MECOM: variants seen among roughly 807,000 people sequenced by gnomAD.
MECOM encodes the protein MDS1 and EVI1 complex locus, also known as histone-lysine N-methyltransferase MECOM.
In MECOM, 13 loss-of-function variants were observed where a neutral mutation model predicts 116.3. That is an observed-to-expected ratio of 0.11 (90% CI 0.07 to 0.18). The LOEUF (loss-of-function observed/expected upper bound fraction) is 0.18. Among genes scored for constraint, MECOM ranks in the 10% least tolerant of loss-of-function variants. The pLI is 1.00. For synonymous variants in MECOM, 528 were observed against 535.2 expected, an observed-to-expected ratio of 0.99 and a Z score of 0.19; for missense variants, 1,299 against 1,509.0, an observed-to-expected ratio of 0.86 and a Z score of 2.31.
At chr3:169,272,778 A>G (rs1304923613) in intron 2 of MECOM, among the ~76,000 whole-genome samples, 1 of 152,016 alleles carries the variant, frequency 6.6e-6, no homozygotes, top group Admixed American at 6.6e-5. Flanking sequence ...CTTTTGAAAA[A>G]CTTCTCTTTG....
chr3:169,164,425 G>T (rs1243695669), intron 2 of MECOM, among the ~76,000 whole-genome samples: 1 of 152,150 alleles, frequency 6.6e-6, no homozygotes, highest in South Asian at 2.1e-4. Flanking sequence ...GCCCAGTCTT[G>T]GGTATATCTT....
At chr3:169,176,098 T>A (rs1745114734) in intron 2 of MECOM, among the ~76,000 whole-genome samples, 3 of 52,762 alleles carry the variant, frequency 5.7e-5, no homozygotes, top group African/African-American at 2.6e-4. Flanking sequence ...ACACTAATGA[T>A]AGCTGATGAG....
chr3:169,521,974 A>G lies in MECOM; in HGVS notation c.38-140450T>C, dbSNP rs117301575. Among the ~76,000 whole-genome samples the G allele has an allele frequency of 1.4e-4, 21 of 152,342 alleles. No individual in the cohort carries two copies. In the East Asian group the frequency reaches 3.5e-3, roughly 25 times the overall value. On this transcript the variant is annotated intron_variant, in intron 1 of 16. Transcript: ENST00000651503. ...GTAATCTAGAGATAATTTAAAGTAT[A>G]TAGGAGAATATGCATAAGTTATATG...
At chr3:169,141,108 T>C (rs1737969039) in intron 3 of MECOM, among the ~76,000 whole-genome samples, 1 of 152,084 alleles carries the variant, frequency 6.6e-6, no homozygotes, top group Non-Finnish European at 1.5e-5. Context: ...AAAGTTCAAT[T>C]TATACACTCT....
chr3:169,537,821 T>G (rs1421008), intron 1 of MECOM, among the ~76,000 whole-genome samples: 29,468 of 151,972 alleles, frequency 0.19, 3,604 homozygotes, highest in Non-Finnish European at 0.28. Context: ...AGTACAAAGG[T>G]GGCCAGGCTT....
chr3:169,090,048 T>G lies in MECOM; in HGVS notation c.3353A>C (p.Tyr1118Ser), dbSNP rs765564966. The G allele has an allele frequency of 1.2e-6, 2 of 1,613,668 alleles. No homozygotes were observed. The highest frequency in any genetic ancestry group is 1.7e-6 in the Non-Finnish European group (2 of 1,179,674). ...NLHEGNPEDD[Y>S]EETSALEMSC... ...CATCTCCAGGGCACTGGTTTCTTCA[T>G]AGTCATCCTCAGGGTTTCCTTCATG... Residue 1118 changes from tyrosine to serine, a missense_variant, in exon 15 of 17, where the codon TAT becomes TCT. This residue lies in a region of MECOM where 273 missense variants were observed against 289.3 expected (regional missense o/e 0.94). Transcript: ENST00000651503.
chr3:169,283,710 T>C (rs1404120808), intron 2 of MECOM, among the ~76,000 whole-genome samples: 1 of 152,196 alleles, frequency 6.6e-6, no homozygotes, highest in Non-Finnish European at 1.5e-5. Flanking sequence ...TGTAGGTTCC[T>C]TAAAATTATT....
At chr3:169,473,048 A>G in intron 1 of MECOM, 2 of 735,074 alleles carry the variant, frequency 2.7e-6, no homozygotes, top group Non-Finnish European at 3.3e-6. Flanking sequence ...AGGAGTCATT[A>G]GCATCCAACA....
chr3:169,482,127 A>G (rs1180921770), intron 1 of MECOM, among the ~76,000 whole-genome samples: 1 of 151,228 alleles, frequency 6.6e-6, no homozygotes, highest in Non-Finnish European at 1.5e-5. Flanking sequence ...AGTTTCTTTT[A>G]CCTCCACCAC....
intron 2 of MECOM, among the ~76,000 whole-genome samples, chr3:169,271,559 G>A (rs144892397): frequency 9.9e-5 from 15 of 152,168 alleles, no homozygotes; most frequent in Admixed American, 7.2e-4. Context: ...AGCTGAACTC[G>A]AGAACACATG....
rs1732630167 is a variant in MECOM at position 169,125,823 on chromosome 3, T to A, written c.830+2021A>T. ...TTGCACATTGACCTTTGTTTCTTTC[T>A]TGCTCCTATTTTTTTGTTTGCATTC... On this transcript the variant is annotated intron_variant, in intron 5 of 16. Coordinates refer to ENST00000651503, the MANE Select transcript of MECOM (RefSeq NM_004991.4). Among the ~76,000 whole-genome samples the A allele has an allele frequency of 2.0e-5, 3 of 152,258 alleles. No individual in the cohort carries two copies. In the South Asian group the frequency reaches 6.2e-4, roughly 32 times the overall value.
intron 2 of MECOM, among the ~76,000 whole-genome samples, chr3:169,206,426 T>G (rs1749922202): frequency 6.6e-6 from 1 of 152,052 alleles, no homozygotes; most frequent in Non-Finnish European, 1.5e-5. Context: ...GCTCTCAAAC[T>G]TTGGTTCCAC....
intron 2 of MECOM, among the ~76,000 whole-genome samples, chr3:169,327,198 A>C (rs1186718913): frequency 6.6e-6 from 1 of 152,218 alleles, no homozygotes; most frequent in Admixed American, 6.5e-5. Context: ...AAAATTATTT[A>C]GTTGTTTGCA....
chr3:169,354,430 T>C (rs996123547), intron 2 of MECOM, among the ~76,000 whole-genome samples: 1 of 152,078 alleles, frequency 6.6e-6, no homozygotes, highest in Middle Eastern at 3.4e-3. Flanking sequence ...CTTAATTTAC[T>C]AGTTCATAAT....
In MECOM at chr3:169,186,592, G is replaced by C. The variant is rs191423396; in HGVS notation, c.376-42760C>G. On this transcript the variant is annotated intron_variant, in intron 2 of 16. Coordinates refer to ENST00000651503, the MANE Select transcript of MECOM (RefSeq NM_004991.4). Reference sequence around the variant, plus strand: ...ATCTAGCATTTATTTGCATGGTTCAGATTTCTGAATGTAATAACTGCATAA... The same window carrying C: ...ATCTAGCATTTATTTGCATGGTTCACATTTCTGAATGTAATAACTGCATAA... Among the ~76,000 whole-genome samples the C allele has an allele frequency of 1.5e-3, 232 of 152,226 alleles. 2 individuals are homozygous for C. The highest frequency in any genetic ancestry group is 5.4e-3 in the African/African-American group (225 of 41,542).
At chr3:169,282,887 T>C (rs1443402241) in intron 2 of MECOM, among the ~76,000 whole-genome samples, 1 of 143,740 alleles carries the variant, frequency 7.0e-6, no homozygotes, top group East Asian at 2.1e-4. Context: ...AAACAGTTCT[T>C]AATTTTTTTT....
intron 2 of MECOM, among the ~76,000 whole-genome samples, chr3:169,160,417 T>G (rs1233205700): frequency 6.6e-6 from 1 of 151,576 alleles, no homozygotes. Flanking sequence ...TCCTCAATAT[T>G]TGAAGTAAGC....
intron 1 of MECOM, among the ~76,000 whole-genome samples, chr3:169,587,405 T>G (rs1765891503): frequency 6.7e-6 from 1 of 149,646 alleles, no homozygotes. Context: ...TGGCTCTTTA[T>G]CACATGTAAA....
intron 1 of MECOM, among the ~76,000 whole-genome samples, chr3:169,542,719 C>A (rs1560412422): frequency 6.6e-6 from 1 of 152,084 alleles, no homozygotes; most frequent in Non-Finnish European, 1.5e-5. Context: ...AATCCGGTGG[C>A]AACTAAACAG....
Sources: allele counts gnomAD v4.1 joint callset (sites outside exome capture counted in the v4.1 genomes callset), GRCh38; gene constraint gnomAD v4.1.1; regional missense constraint gnomAD v4.1.1; transcripts MANE v1.5; gene names NCBI Gene and HGNC (gene_info 2026-07-23, HGNC 2026-07-21).